The following GPHN variants were observed in gnomAD, a reference collection of about 807,000 sequenced individuals.
GPHN encodes the protein gephyrin.
Under a neutral mutation model 95.5 loss-of-function variants are expected in GPHN, and 17 were observed. The ratio of observed to expected loss-of-function variants is 0.18; its 90% CI spans 0.12 to 0.27. The LOEUF (loss-of-function observed/expected upper bound fraction) is 0.27, where lower values mean the gene tolerates loss of function less well. Ranked by LOEUF, GPHN falls within the 10% of genes least tolerant of loss-of-function variation. The pLI is 1.00. For missense variants in GPHN, 660 were observed against 978.1 expected (o/e 0.67, Z 4.34); for synonymous variants, 320 against 322.5 (o/e 0.99, Z 0.08).
intron 2 of GPHN, among the ~76,000 whole-genome samples, chr14:66,700,894 C>T (rs1369430372): frequency 6.6e-6 from 1 of 151,734 alleles, no homozygotes; most frequent in Non-Finnish European, 1.5e-5. Flanking sequence ...TGCACTCCAG[C>T]CTGGCAACAG....
At chr14:66,768,580 C>T (rs2059048470) in intron 2 of GPHN, among the ~76,000 whole-genome samples, 1 of 151,784 alleles carries the variant, frequency 6.6e-6, no homozygotes, top group Admixed American at 6.6e-5. Flanking sequence ...GCATACATGA[C>T]AATTATAAAC....
chr14:66,569,378 A>C (rs1333593956), intron 1 of GPHN, among the ~76,000 whole-genome samples: 1 of 152,216 alleles, frequency 6.6e-6, no homozygotes, highest in African/African-American at 2.4e-5. Flanking sequence ...TTCTAAAAAA[A>C]TTAGGCCGAG....
At chr14:66,634,201 T>C (rs558621537) in intron 1 of GPHN, among the ~76,000 whole-genome samples, 3 of 152,284 alleles carry the variant, frequency 2.0e-5, no homozygotes, top group Admixed American at 2.0e-4. Context: ...TTCCCTTACA[T>C]TGATATTTGC....
chr14:66,896,620 T>C lies in GPHN; in HGVS notation c.389+16587T>C, dbSNP rs1180299774. ...GTGAGACCCTCTCTTAAAAAAAATT[T>C]AGTCCTATTTTCTAGGAAGATATTA... is the stretch of plus-strand genomic sequence containing the variant. On this transcript the variant is annotated intron_variant, in intron 5 of 22. Transcript: ENST00000478722. Among the ~76,000 whole-genome samples the C allele has an allele frequency of 3.9e-5, 6 of 152,072 alleles. No homozygotes were observed. In the South Asian group the frequency reaches 6.2e-4, roughly 16 times the overall value.
At chr14:66,781,059 A>G (rs981087283) in intron 3 of GPHN, among the ~76,000 whole-genome samples, 1 of 152,166 alleles carries the variant, frequency 6.6e-6, no homozygotes, top group African/African-American at 2.4e-5. Flanking sequence ...AGAAATTATC[A>G]AGTTCATAAA....
rs184761574 is a variant in GPHN, at chr14:66,575,606, C to G, written c.64+67015C>G. Among the ~76,000 whole-genome samples the G allele has an allele frequency of 2.2e-3, 339 of 152,300 alleles. 1 individual carries two copies. Among genetic ancestry groups the G allele is most frequent in the African/African-American group, 7.9e-3 (328 of 41,556 alleles). On this transcript the variant is annotated intron_variant, in intron 1 of 22. Transcript: ENST00000478722. Reference sequence around the variant, plus strand: ...CTTAGTGCCCATGTCAGCAGTTTGTCAGGCCTGGTGCCTGAGCTCATAGGA... The same window carrying G: ...CTTAGTGCCCATGTCAGCAGTTTGTGAGGCCTGGTGCCTGAGCTCATAGGA...
intron 1 of GPHN, among the ~76,000 whole-genome samples, chr14:66,660,255 A>C (rs1388040287): frequency 6.6e-6 from 1 of 152,144 alleles, no homozygotes; most frequent in Non-Finnish European, 1.5e-5. Flanking sequence ...AGTCTGTGAG[A>C]GTCTATAATA....
intron 4 of GPHN, among the ~76,000 whole-genome samples, chr14:66,833,001 C>T (rs541807324): frequency 6.6e-5 from 10 of 152,238 alleles, no homozygotes; most frequent in Non-Finnish European, 8.8e-5. Flanking sequence ...ATTCACTTTA[C>T]GTAGAAGGAT....
At chr14:66,588,004 C>G (rs2061493297) in intron 1 of GPHN, among the ~76,000 whole-genome samples, 2 of 152,106 alleles carry the variant, frequency 1.3e-5, no homozygotes, top group African/African-American at 4.8e-5. Flanking sequence ...GTGGCATCTG[C>G]CAGGTGCCCC....
intron 1 of GPHN, among the ~76,000 whole-genome samples, chr14:66,535,232 G>T (rs1444239413): frequency 6.7e-6 from 1 of 149,652 alleles, no homozygotes; most frequent in Non-Finnish European, 1.5e-5. Context: ...CCCATTTTTT[G>T]AAAAAAAAAT....
At chr14:67,208,293 C>T in the GPHN span, 1 of 1,613,964 alleles carries the variant, frequency 6.2e-7, no homozygotes, top group African/African-American at 1.3e-5. Flanking sequence ...GTCACCATCT[C>T]AAACATAACA....
the GPHN span, chr14:67,376,326 T>C: frequency 9.5e-7 from 1 of 1,047,564 alleles, no homozygotes; most frequent in Non-Finnish European, 1.3e-6. Context: ...CCTATGGAGA[T>C]CTTTTATTGT....
At chr14:66,514,123 A>T (rs2058148390) in intron 1 of GPHN, among the ~76,000 whole-genome samples, 1 of 151,986 alleles carries the variant, frequency 6.6e-6, no homozygotes, top group Admixed American at 6.5e-5. Flanking sequence ...GAACAAACAT[A>T]ATAATTTTTT....
In GPHN at chr14:66,949,314, G is replaced by C. The variant is rs562669196; in HGVS notation, c.829-15877G>C. On this transcript the variant is annotated intron_variant, in intron 8 of 22. Transcript: ENST00000478722. ...TAGCCAGGCTGGTCTCGAACTGGCTGGTCTCAAACTCCTGACCTCATGATC... is the reference window on the plus strand; with the variant it reads ...TAGCCAGGCTGGTCTCGAACTGGCTCGTCTCAAACTCCTGACCTCATGATC... Among the ~76,000 whole-genome samples the C allele has an allele frequency of 7.9e-5, 12 of 152,154 alleles. No homozygotes were observed. The South Asian group carries it at 2.5e-3, about 32-fold the overall frequency.
chr14:66,975,480 A>C (rs2070148898), intron 9 of GPHN, among the ~76,000 whole-genome samples: 1 of 152,206 alleles, frequency 6.6e-6, no homozygotes, highest in Non-Finnish European at 1.5e-5. Flanking sequence ...AGACATTTAA[A>C]AACTATAAAC....
At chr14:67,264,961 A>G in the GPHN span, among the ~76,000 whole-genome samples, 1 of 152,096 alleles carries the variant, frequency 6.6e-6, no homozygotes, top group African/African-American at 2.4e-5. Context: ...ATGAGGGCAG[A>G]TGATTTATGT....
At chr14:67,408,051 G>C in the GPHN span, among the ~76,000 whole-genome samples, 1 of 152,082 alleles carries the variant, frequency 6.6e-6, no homozygotes, top group Non-Finnish European at 1.5e-5. Context: ...ACTTTGGGAG[G>C]CCAGGTGGGT....
At chr14:66,665,429 A>G (rs1380045741) in intron 1 of GPHN, among the ~76,000 whole-genome samples, 1 of 152,266 alleles carries the variant, frequency 6.6e-6, no homozygotes, top group Non-Finnish European at 1.5e-5. Context: ...ACCATCAACA[A>G]GTGAGCGAAG....
At chr14:67,432,574 G>A in the GPHN span, among the ~76,000 whole-genome samples, 1 of 152,198 alleles carries the variant, frequency 6.6e-6, no homozygotes, top group Non-Finnish European at 1.5e-5. Flanking sequence ...TCAGCAGCGG[G>A]CAAGCTCTCA....
Sources: gnomAD v4.1 joint callset for allele counts (sites outside exome capture counted in the v4.1 genomes callset) on GRCh38, gnomAD v4.1.1 for gene constraint, MANE v1.5 for transcripts, NCBI Gene and HGNC (gene_info 2026-07-23, HGNC 2026-07-21) for gene names.